The following DNAH8 variants were observed in gnomAD, a reference collection of about 807,000 sequenced individuals.
The protein encoded by DNAH8 is axonemal beta dynein heavy chain 8.
Under a neutral mutation model 562.1 loss-of-function variants are expected in DNAH8, and 382 were observed. That is an observed-to-expected ratio of 0.68 (90% CI 0.63 to 0.74). The LOEUF (loss-of-function observed/expected upper bound fraction) is 0.74, where lower values mean the gene tolerates loss of function less well. Ranked by LOEUF, DNAH8 falls within the 30% of genes least tolerant of loss-of-function variation. DNAH8 has a pLI of 0.00. For synonymous variants in DNAH8, 1,881 were observed against 1,919.4 expected (o/e 0.98, Z 0.52); for missense variants, 5,203 against 5,620.4 (o/e 0.93, Z 2.37).
At chr6:38,818,537 C>CAAAAAAAAAAAAGAAAAAAAAA (rs775835573) in intron 26 of DNAH8, among the ~76,000 whole-genome samples, 3 of 75,884 alleles carry the variant, frequency 4.0e-5, no homozygotes, top group African/African-American at 1.9e-4. Context: ...AAAGCAAAAG[C>CAAAAAAAAAAAAGAAAAAAAAA]AAAAAAAAAA....
At chr6:38,736,440 A>G (rs747050115) in intron 5 of DNAH8, among the ~76,000 whole-genome samples, 18 of 152,210 alleles carry the variant, frequency 1.2e-4, no homozygotes, top group Non-Finnish European at 2.4e-4. Flanking sequence ...AACTACTGAT[A>G]CCTTAACACG....
chr6:38,971,711 C>A, intron 83 of DNAH8, 46 bp downstream of exon 83: 3 of 1,427,966 alleles, frequency 2.1e-6, no homozygotes, highest in African/African-American at 1.4e-5. Flanking sequence ...TTGCTAGAAA[C>A]CCCACAATCA....
At chr6:38,924,501 T>TCC (rs5875645) in intron 73 of DNAH8, among the ~76,000 whole-genome samples, 42 of 149,288 alleles carry the variant, frequency 2.8e-4, no homozygotes, top group Non-Finnish European at 5.7e-4. Context: ...AGAAACTCCA[T>TCC]CCCCCCCCCA....
At chr6:38,761,885 T>C (rs1026788408) in intron 11 of DNAH8, 82 bp downstream of exon 11, 3 of 780,982 alleles carry the variant, frequency 3.8e-6, no homozygotes, top group East Asian at 3.1e-5. Flanking sequence ...ACAAAATATG[T>C]TAACTGAAAA....
chr6:38,904,864 C>T (rs912110682), intron 62 of DNAH8, among the ~76,000 whole-genome samples: 13 of 150,738 alleles, frequency 8.6e-5, no homozygotes, highest in Admixed American at 2.0e-4. Context: ...ATATGCATGA[C>T]GACACTTTCA....
In DNAH8 at chr6:38,938,721, T is replaced by C. The variant is rs938700804; in HGVS notation, c.11817-77T>C. 8.1e-6 allele frequency: 8 copies of C among 983,964 alleles called. No homozygotes were observed. The South Asian group carries it at 9.8e-5, about 12-fold the overall frequency. The allele number at this position is 983,964 out of a possible 1,614,324, so 61.0% of individuals were successfully genotyped here. A position where few individuals can be genotyped will look rare whatever the true frequency, so the allele number is the denominator to read the frequency against. On this transcript the variant is annotated intron_variant, in intron 78 of 92. Coordinates refer to ENST00000327475, the MANE Select transcript of DNAH8 (RefSeq NM_001206927.2). ...AGGTTTACCGACGTACAAACCTTCA[T>C]GTGTACCCCTGAACTTGAAAGTTTT... is the stretch of plus-strand genomic sequence containing the variant.
intron 80 of DNAH8, among the ~76,000 whole-genome samples, chr6:38,948,357 G>C (rs538842017): frequency 6.6e-6 from 1 of 151,602 alleles, no homozygotes; most frequent in East Asian, 1.9e-4. Context: ...TTGTTTTTGA[G>C]GGGGAGTTTC....
intron 1 of DNAH8, among the ~76,000 whole-genome samples, chr6:38,718,041 A>G (rs1029356524): frequency 2.0e-5 from 3 of 152,212 alleles, no homozygotes; most frequent in Non-Finnish European, 2.9e-5. Context: ...AGAGTTTTAC[A>G]TATCTGCATA....
At chr6:38,973,516 A>G in intron 83 of DNAH8, 145 bp from the exon 84 acceptor site, 1 of 599,710 alleles carries the variant, frequency 1.7e-6, no homozygotes, top group Non-Finnish European at 2.8e-6. Flanking sequence ...ATAGCAGGAG[A>G]AATGATTGTA....
intron 8 of DNAH8, among the ~76,000 whole-genome samples, chr6:38,747,543 T>C (rs1000580760): frequency 6.6e-6 from 1 of 152,036 alleles, no homozygotes; most frequent in African/African-American, 2.4e-5. Flanking sequence ...CATGCCACCA[T>C]ACCCAGCTAA....
At chr6:38,898,144 G>A (rs986505040) in intron 60 of DNAH8, 114 bp from the exon 61 acceptor site, 5 of 960,086 alleles carry the variant, frequency 5.2e-6, no homozygotes, top group Admixed American at 2.8e-5. Flanking sequence ...AATCCATAAC[G>A]TTTAAAAAAA....
Position 38,842,457 on chromosome 6 carries a change from A to T in DNAH8, c.4556A>T (p.Asp1519Val). 1 of 1,613,306 alleles carries T rather than the reference A, an allele frequency of 6.2e-7. No homozygotes were observed. The highest frequency in any genetic ancestry group is 1.1e-5 in the South Asian group (1 of 90,918). ...ISGYYEILWG[D>V]VDIEKINAEL... ...GGTTATTATGAAATACTTTGGGGAG[A>T]TGTAGATATTGAAAAAATTAATGCA... is the stretch of plus-strand genomic sequence containing the variant. The change falls in exon 34 of 93, where the codon GAT (aspartate) becomes GTT (valine). Residue 1519 changes from aspartate (D) to valine (V), a missense_variant. By Grantham distance (152) the Asp-to-Val change is radical. Coordinates refer to ENST00000327475, the MANE Select transcript of DNAH8 (RefSeq NM_001206927.2).
intron 21 of DNAH8, among the ~76,000 whole-genome samples, chr6:38,799,220 G>A (rs1770559626): frequency 6.6e-6 from 1 of 152,134 alleles, no homozygotes; most frequent in African/African-American, 2.4e-5. Context: ...GCACATTGCT[G>A]ACTGCTGCTG....
At chr6:38,723,562 C>T in intron 3 of DNAH8, 91 bp downstream of exon 3, 1 of 1,442,856 alleles carries the variant, frequency 6.9e-7, no homozygotes, top group Non-Finnish European at 9.3e-7. Context: ...GCAACAACAA[C>T]AACAAAAATC....
At chr6:39,026,522 A>G (rs771761407) in intron 91 of DNAH8, 24 bp from the exon 92 acceptor site, 61 of 1,593,930 alleles carry the variant, frequency 3.8e-5, no homozygotes, top group Non-Finnish European at 5.0e-5. Flanking sequence ...CAAGGCTTCA[A>G]CATCTCTTCT....
intron 82 of DNAH8, among the ~76,000 whole-genome samples, chr6:38,958,646 C>CAAG (rs1762418981): frequency 1.7e-5 from 1 of 58,892 alleles, no homozygotes; most frequent in African/African-American, 7.1e-5. Flanking sequence ...AGTCTCCCAT[C>CAAG]AAAAAAAAAA....
chr6:38,938,835 A>G lies in DNAH8; in HGVS notation c.11854A>G (p.Asn3952Asp), dbSNP rs1583409218. The change falls in exon 79 of 93, where the codon AAT becomes GAT. Residue 3952 changes from asparagine (N) to aspartate (D), a missense_variant. This residue lies in a region of DNAH8 where 1,399 missense variants were observed against 1,518.4 expected (regional missense o/e 0.92). Transcript: ENST00000327475. ...KSPLPQKRIT[N>D]IIEYLTYEVF... is the part of the protein sequence containing the mutation. ...ACCACTACCTCAAAAGAGAATTACA[A>G]ATATTATCGAGTACCTGACATATGA... The G allele has an allele frequency of 6.2e-7, 1 of 1,611,976 alleles. No individual in the cohort carries two copies. The highest frequency in any genetic ancestry group is 1.1e-5 in the South Asian group (1 of 90,730).
intron 68 of DNAH8, 130 bp downstream of exon 68, chr6:38,915,507 A>G (rs1781240176): frequency 3.9e-6 from 3 of 776,114 alleles, no homozygotes; most frequent in Non-Finnish European, 5.5e-6. Flanking sequence ...TCTGGAAACA[A>G]ATGTGTCAAT....
intron 53 of DNAH8, among the ~76,000 whole-genome samples, chr6:38,876,347 T>TTCATCCCCC (rs2150447130): frequency 8.1e-6 from 1 of 124,184 alleles, no homozygotes; most frequent in Non-Finnish European, 1.8e-5. Context: ...GGTGCTTTCA[T>TTCATCCCCC]CCAGAGCCCA....
Sources: gnomAD v4.1 joint callset for allele counts (sites outside exome capture counted in the v4.1 genomes callset) on GRCh38, gnomAD v4.1.1 for gene constraint, gnomAD v4.1.1 regional missense constraint, MANE v1.5 for transcripts, NCBI Gene and HGNC (gene_info 2026-07-23, HGNC 2026-07-21) for gene names.